The following SLC25A42 variants were observed in gnomAD, a reference collection of about 807,000 sequenced individuals.
SLC25A42 encodes solute carrier family 25 member 42.
In SLC25A42, 19 loss-of-function variants were observed where a neutral mutation model predicts 34.7. The ratio of observed to expected loss-of-function variants is 0.55; its 90% CI spans 0.38 to 0.80. The LOEUF (loss-of-function observed/expected upper bound fraction) is 0.80. Ranked by LOEUF, SLC25A42 falls within the 30% of genes least tolerant of loss-of-function variation. SLC25A42 has a pLI of 0.00. For missense variants in SLC25A42, 364 were observed against 441.3 expected (o/e 0.82, Z 1.57); for synonymous variants, 205 against 191.2 (o/e 1.07, Z -0.59).
chr19:19,102,700 C>T (rs1399169130), intron 3 of SLC25A42, among the ~76,000 whole-genome samples: 5 of 151,736 alleles, frequency 3.3e-5, no homozygotes, highest in East Asian at 1.9e-4. Context: ...GCCAAGGTCG[C>T]GCCATCGCAC....
chr19:19,108,368 T>C (rs568445031), intron 7 of SLC25A42, among the ~76,000 whole-genome samples: 3 of 152,128 alleles, frequency 2.0e-5, no homozygotes, highest in Admixed American at 2.0e-4. Flanking sequence ...CTGGGCAACA[T>C]GGCGAAACCC....
intron 2 of SLC25A42, 35 bp downstream of exon 2, chr19:19,096,240 C>T (rs12983224): frequency 3.4e-5 from 54 of 1,587,556 alleles, no homozygotes; most frequent in Non-Finnish European, 4.7e-5. Flanking sequence ...GGGTGTTCTC[C>T]TGGGGCCCCA....
chr19:19,097,895 G>A (rs913293192), intron 2 of SLC25A42, among the ~76,000 whole-genome samples: 6 of 152,016 alleles, frequency 3.9e-5, no homozygotes, highest in Non-Finnish European at 8.8e-5. Context: ...CTCAGGAGGT[G>A]GAGGTGGCAG....
chr19:19,078,355 C>T (rs986060514), intron 1 of SLC25A42, among the ~76,000 whole-genome samples: 1 of 152,122 alleles, frequency 6.6e-6, no homozygotes, highest in African/African-American at 2.4e-5. Context: ...TGTTTGTTTC[C>T]CTGGTCAGCC....
chr19:19,065,947 C>T (rs1217652482), intron 1 of SLC25A42, among the ~76,000 whole-genome samples: 1 of 151,392 alleles, frequency 6.6e-6, no homozygotes, highest in East Asian at 1.9e-4. Flanking sequence ...ACCTCTGCCT[C>T]CTGGGTTCAT....
At chr19:19,087,505 C>A (rs1389015269) in intron 1 of SLC25A42, among the ~76,000 whole-genome samples, 1 of 152,190 alleles carries the variant, frequency 6.6e-6, no homozygotes, top group Admixed American at 6.5e-5. Flanking sequence ...CCAGGCTGGT[C>A]TTGAACTCCT....
intron 1 of SLC25A42, among the ~76,000 whole-genome samples, chr19:19,065,108 C>G (rs537337857): frequency 6.6e-6 from 1 of 152,206 alleles, no homozygotes; most frequent in African/African-American, 2.4e-5. Flanking sequence ...TGGCAGGAGT[C>G]GTGACTTTGA....
At chr19:19,106,472 C>T (rs2059829127) in intron 6 of SLC25A42, 87 bp downstream of exon 6, 7 of 1,132,362 alleles carry the variant, frequency 6.2e-6, no homozygotes, top group Admixed American at 2.2e-5. Context: ...CTCTATCGGG[C>T]CCCAGGGGTT....
In SLC25A42 at chr19:19,105,639, G is replaced by C. The variant is rs2059821922; in HGVS notation, c.292G>C (p.Val98Leu). Residue 98 changes from valine (V) to leucine (L), a missense_variant, in exon 5 of 8, where the codon GTG becomes CTG. Coordinates refer to ENST00000318596, the MANE Select transcript of SLC25A42 (RefSeq NM_178526.5). ...SLWRGNSATMVRVVPYAAIQF... is the reference protein window; with the variant it reads ...SLWRGNSATMLRVVPYAAIQF... ...GTGGCGCGGGAACTCGGCCACCATG[G>C]TGCGCGTGGTGCCCTACGCCGCCAT... 6.2e-7 allele frequency: 1 copy of C among 1,613,688 alleles called. No individual in the cohort carries two copies. Among genetic ancestry groups the C allele is most frequent in the Admixed American group, 1.7e-5 (1 of 59,958 alleles).
At chr19:19,103,006 G>A (rs925899078) in intron 3 of SLC25A42, among the ~76,000 whole-genome samples, 11 of 152,066 alleles carry the variant, frequency 7.2e-5, no homozygotes, top group Non-Finnish European at 1.2e-4. Flanking sequence ...GCTTGTGGCC[G>A]CATGGCTCCA....
At position 19,101,866 on chromosome 19, in the gene SLC25A42, G is replaced by A. The variant is rs2059798400; in HGVS notation, c.167G>A (p.Arg56Gln). 6.2e-7 allele frequency: 1 copy of A among 1,612,624 alleles called. No individual in the cohort carries two copies. The highest frequency in any genetic ancestry group is 8.5e-7 in the Non-Finnish European group (1 of 1,179,334). ...AAAACAGCGGTAGCTCCCCTGGACC[G>A]AACCAAAATCATCTTCCAAGGTAAG... ...LAKTAVAPLDRTKIIFQVSSK... is the reference protein window; with the variant it reads ...LAKTAVAPLDQTKIIFQVSSK... Residue 56 changes from arginine (R) to glutamine (Q), a missense_variant, in exon 3 of 8, where the codon CGA becomes CAA. Physicochemically the swap from Arg to Gln is conservative, Grantham distance 43. Coordinates refer to ENST00000318596, the MANE Select transcript of SLC25A42 (RefSeq NM_178526.5).
chr19:19,109,458 T>A lies in SLC25A42; in HGVS notation c.650-1111T>A, dbSNP rs1243649919. Among the ~76,000 whole-genome samples, 1 of 151,938 alleles carries A rather than the reference T, an allele frequency of 6.6e-6. No homozygotes were observed. The highest frequency in any genetic ancestry group is 1.5e-5 in the Non-Finnish European group (1 of 68,002). On this transcript the variant is annotated intron_variant, in intron 7 of 7. Transcript: ENST00000318596. The surrounding 1 kb of genome is among the most constrained non-coding windows in gnomAD (Gnocchi z 4.1). ...GTCTGGCTGTTTTTTTGAGACGGAG[T>A]CTCACTCTGCCGCCCAGGCTGGAGT...
intron 1 of SLC25A42, among the ~76,000 whole-genome samples, chr19:19,088,948 C>T (rs1412120275): frequency 3.3e-5 from 5 of 152,110 alleles, no homozygotes; most frequent in Non-Finnish European, 7.3e-5. Context: ...GCTGGGACTA[C>T]AGGCATGCAC....
intron 7 of SLC25A42, among the ~76,000 whole-genome samples, chr19:19,110,126 C>CCT (rs1378565850): frequency 6.6e-6 from 1 of 152,016 alleles, no homozygotes; most frequent in Non-Finnish European, 1.5e-5. Context: ...GCAGGCAGAT[C>CCT]GCCTGAGGTC....
At chr19:19,091,963 C>T (rs1321307074) in intron 1 of SLC25A42, among the ~76,000 whole-genome samples, 5 of 152,210 alleles carry the variant, frequency 3.3e-5, no homozygotes, top group African/African-American at 1.2e-4. Flanking sequence ...CCCTCTTCCT[C>T]TTGAGACAGG....
rs1313229129 is a variant in SLC25A42 at position 19,110,991 on chromosome 19, T to C, written c.*115T>C. ...TTCAGGAGGCACATGGGGCGCTTTATGGAACGAGCAGGTGGGCCTGAGGGG... is the reference window on the plus strand; with the variant it reads ...TTCAGGAGGCACATGGGGCGCTTTACGGAACGAGCAGGTGGGCCTGAGGGG... On this transcript the variant is annotated 3_prime_UTR_variant, in exon 8 of 8. Transcript: ENST00000318596. 8.1e-7 allele frequency: 1 copy of C among 1,228,624 alleles called. No individual in the cohort carries two copies. The highest frequency in any genetic ancestry group is 1.1e-6 in the Non-Finnish European group (1 of 880,668). The allele number at this position is 1,228,624 out of a possible 1,614,324, so 76.1% of individuals were successfully genotyped here.
At chr19:19,091,325 G>A (rs1009338268) in intron 1 of SLC25A42, among the ~76,000 whole-genome samples, 1 of 152,052 alleles carries the variant, frequency 6.6e-6, no homozygotes, top group Non-Finnish European at 1.5e-5. Flanking sequence ...GGGCATGGTG[G>A]TGCGCGCCTA....
intron 1 of SLC25A42, among the ~76,000 whole-genome samples, chr19:19,084,226 C>G (rs1040235269): frequency 1.3e-5 from 2 of 152,230 alleles, no homozygotes; most frequent in African/African-American, 4.8e-5. Flanking sequence ...CCATCTCCCA[C>G]CCAGCGTCCA....
intron 7 of SLC25A42, among the ~76,000 whole-genome samples, chr19:19,110,291 C>T (rs1481399290): frequency 6.6e-6 from 1 of 151,974 alleles, no homozygotes; most frequent in Non-Finnish European, 1.5e-5. Context: ...TGCAGTGAGC[C>T]GAGATTGGGC....
Sources: gnomAD v4.1 joint callset for allele counts (sites outside exome capture counted in the v4.1 genomes callset) on GRCh38, gnomAD v4.1.1 for gene constraint, Gnocchi (gnomAD v3.1) non-coding constraint, MANE v1.5 for transcripts, NCBI Gene and HGNC (gene_info 2026-07-23, HGNC 2026-07-21) for gene names.